The following BTBD3 variants were observed in gnomAD, a reference collection of about 807,000 sequenced individuals.
The protein encoded by BTBD3 is BTB/POZ domain-containing protein 3.
A neutral mutation model predicts 41.6 loss-of-function variants in BTBD3; 14 were observed. That is an observed-to-expected ratio of 0.34 (90% CI 0.22 to 0.53). The LOEUF is 0.53. Among genes scored for constraint, BTBD3 ranks in the 20% least tolerant of loss-of-function variants. BTBD3 has a pLI of 0.95. For missense variants in BTBD3, 426 were observed against 654.7 expected (o/e 0.65, Z 3.81); for synonymous variants, 249 against 233.7 (o/e 1.07, Z -0.60).
At chr20:11,890,980 G>A (rs1226246896) in intron 1 of BTBD3, 1 of 981,722 alleles carries the variant, frequency 1.0e-6, no homozygotes, top group Non-Finnish European at 1.2e-6. Flanking sequence ...GCGGGCGAGC[G>A]GGTCGGCGCC....
exon 1 of BTBD3, chr20:11,890,858 C>G (rs1169101010): frequency 1.0e-6 from 1 of 985,114 alleles, no homozygotes; most frequent in African/African-American, 1.7e-5. Context: ...GCCCGCCGGG[C>G]GCTGGATCTC....
rs578214603 is a variant in BTBD3, at chr20:11,912,812, C to T, written c.-125-5522C>T. ...GAAAATGAGGCTCACAAATACTGAC[C>T]TTAAGGTCACTTGTTGTTAGCTCTT... On this transcript the variant is annotated intron_variant, in intron 1 of 4. Coordinates refer to the BTBD3 transcript ENST00000254977. Among the ~76,000 whole-genome samples the T allele has an allele frequency of 3.9e-5, 6 of 152,304 alleles. No individual in the cohort carries two copies. The East Asian group carries it at 5.8e-4, about 15-fold the overall frequency.
intron 1 of BTBD3, among the ~76,000 whole-genome samples, chr20:11,898,255 C>G (rs1479692159): frequency 6.6e-6 from 1 of 152,178 alleles, no homozygotes; most frequent in African/African-American, 2.4e-5. Context: ...TCGGCACTTT[C>G]CATTCCAGCC....
At chr20:11,894,800 A>G (rs775058981) in intron 1 of BTBD3, among the ~76,000 whole-genome samples, 4 of 152,206 alleles carry the variant, frequency 2.6e-5, no homozygotes, top group Middle Eastern at 3.4e-3. Flanking sequence ...GACCCTGCAA[A>G]TGGCCCCAGT....
At chr20:11,895,152 T>C (rs1406180162) in intron 1 of BTBD3, among the ~76,000 whole-genome samples, 1 of 152,202 alleles carries the variant, frequency 6.6e-6, no homozygotes, top group Non-Finnish European at 1.5e-5. Flanking sequence ...AGATCTTGAC[T>C]AACTTTGAGG....
chr20:11,895,245 A>G (rs1357951542), intron 1 of BTBD3, among the ~76,000 whole-genome samples: 1 of 152,226 alleles, frequency 6.6e-6, no homozygotes, highest in African/African-American at 2.4e-5. Context: ...TCATAGATTT[A>G]GAATATTTAG....
chr20:11,890,824 G>A, exon 1 of BTBD3: 1 of 985,292 alleles, frequency 1.0e-6, no homozygotes, highest in Non-Finnish European at 1.2e-6. Flanking sequence ...CGCAGAGCGT[G>A]CCCTGCGTGC....
At chr20:11,903,387 T>C (rs1014369310) in intron 1 of BTBD3, among the ~76,000 whole-genome samples, 19 of 152,190 alleles carry the variant, frequency 1.2e-4, no homozygotes, top group Admixed American at 1.2e-3. Flanking sequence ...GAAAGCAGAT[T>C]TTCAGAGAGA....
intron 1 of BTBD3, among the ~76,000 whole-genome samples, chr20:11,912,370 A>G (rs1035036991): frequency 1.3e-5 from 2 of 152,348 alleles, no homozygotes; most frequent in South Asian, 2.1e-4. Context: ...TGTGGGTTCA[A>G]GTGCAGGTTT....
intron 1 of BTBD3, among the ~76,000 whole-genome samples, chr20:11,907,541 T>C (rs563365446): frequency 1.3e-5 from 2 of 152,278 alleles, no homozygotes; most frequent in Admixed American, 6.5e-5. Flanking sequence ...GTTGCAGATA[T>C]GGAGATGCAG....
intron 1 of BTBD3, among the ~76,000 whole-genome samples, chr20:11,895,309 C>G (rs1249137292): frequency 2.0e-5 from 3 of 152,192 alleles, no homozygotes; most frequent in Non-Finnish European, 4.4e-5. Flanking sequence ...ATTCTATGCC[C>G]TTGTCCTTTC....
chr20:11,899,550 T>C (rs1478248486), intron 1 of BTBD3, among the ~76,000 whole-genome samples: 1 of 152,176 alleles, frequency 6.6e-6, no homozygotes, highest in Non-Finnish European at 1.5e-5. Flanking sequence ...TTCTTTTCTT[T>C]TCTTTTTTTT....
chr20:11,925,433 T>C lies in BTBD3; in HGVS notation c.*1767T>C, dbSNP rs901202484. ...CCTGAGGGAGGAGAACACTGGATTA[T>C]TGGAAATGTTTTAATCACTCTTGCC... is the stretch of plus-strand genomic sequence containing the variant. On this transcript the variant is annotated 3_prime_UTR_variant, in exon 4 of 4. Transcript: ENST00000378226. 4 of 152,686 alleles carry C rather than the reference T, an allele frequency of 2.6e-5. No individual in the cohort carries two copies. Among genetic ancestry groups the C allele is most frequent in the African/African-American group, 9.6e-5 (4 of 41,472 alleles). 9.5% of individuals were successfully genotyped at this position (152,686 alleles called of 1,614,324 possible). A position where few individuals can be genotyped will look rare whatever the true frequency, so the allele number is the denominator to read the frequency against.
At chr20:11,910,095 C>T (rs1173645597) in intron 1 of BTBD3, 1 of 151,970 alleles carries the variant, frequency 6.6e-6, no homozygotes, top group Non-Finnish European at 1.5e-5. Context: ...TCTTCCCGTC[C>T]CATGTGTTCT....
upstream of BTBD3, among the ~76,000 whole-genome samples, chr20:11,915,535 A>G (rs1191263456): frequency 1.3e-5 from 2 of 152,124 alleles, no homozygotes; most frequent in East Asian, 3.9e-4. Context: ...ATTCTGATCC[A>G]GAGTCTGGCT....
intron 3 of BTBD3, among the ~76,000 whole-genome samples, chr20:11,920,090 A>G (rs1442048818): frequency 6.6e-6 from 1 of 152,210 alleles, no homozygotes; most frequent in Non-Finnish European, 1.5e-5. Context: ...ATGATTTTTA[A>G]CAACTTAAAA....
At chr20:11,900,812 T>A (rs1189448309) in intron 1 of BTBD3, among the ~76,000 whole-genome samples, 1 of 151,646 alleles carries the variant, frequency 6.6e-6, no homozygotes. Flanking sequence ...GGTTCACGCC[T>A]TTCTCCCGCC....
exon 1 of BTBD3, chr20:11,890,926 G>T: frequency 1.0e-6 from 1 of 984,666 alleles, no homozygotes; most frequent in Non-Finnish European, 1.2e-6. Flanking sequence ...GGACGGCTGC[G>T]TCGCCCGAGG....
At chr20:11,896,495 C>T (rs2056787990) in intron 1 of BTBD3, among the ~76,000 whole-genome samples, 1 of 152,120 alleles carries the variant, frequency 6.6e-6, no homozygotes, top group Admixed American at 6.5e-5. Context: ...CATTCTGTAA[C>T]GTTATAACAT....
Sources: allele counts gnomAD v4.1 joint callset (sites outside exome capture counted in the v4.1 genomes callset), GRCh38; gene constraint gnomAD v4.1.1; transcripts MANE v1.5; gene names NCBI Gene and HGNC (gene_info 2026-07-23, HGNC 2026-07-21).